IGF1R: variants seen among roughly 807,000 people sequenced by gnomAD.
IGF1R encodes the protein insulin-like growth factor 1 receptor.
IGF1R carries 44 observed loss-of-function variants against 144.6 expected under a neutral mutation model. The ratio of observed to expected loss-of-function variants is 0.30; its 90% CI spans 0.24 to 0.39. IGF1R has a LOEUF of 0.39. Among genes scored for constraint, IGF1R ranks in the 10% least tolerant of loss-of-function variants. IGF1R has a pLI of 1.00. For synonymous variants in IGF1R, 795 were observed against 722.8 expected (o/e 1.10, Z -1.60); for missense variants, 1,355 against 1,833.7 (o/e 0.74, Z 4.77).
chr15:98,843,214 C>T (rs1388358216), intron 2 of IGF1R, among the ~76,000 whole-genome samples: 1 of 152,206 alleles, frequency 6.6e-6, no homozygotes, highest in Non-Finnish European at 1.5e-5. Flanking sequence ...TGCATTCACT[C>T]TTTTTGGCAT....
At chr15:98,912,968 C>T in intron 7 of IGF1R, 76 bp from the exon 8 acceptor site, 1 of 913,928 alleles carries the variant, frequency 1.1e-6, no homozygotes, top group Non-Finnish European at 1.8e-6. Flanking sequence ...GTGTGACATG[C>T]TGGGCCTCTG....
At chr15:98,738,365 G>A (rs956389452) in intron 2 of IGF1R, among the ~76,000 whole-genome samples, 2 of 152,130 alleles carry the variant, frequency 1.3e-5, no homozygotes, top group African/African-American at 4.8e-5. Context: ...TTCTAAATGA[G>A]CGGGCTTTAA....
intron 2 of IGF1R, among the ~76,000 whole-genome samples, chr15:98,836,468 A>G (rs1017006626): frequency 6.6e-6 from 1 of 151,436 alleles, no homozygotes. Context: ...GCAGTGAACT[A>G]TGATCATGCC....
At chr15:98,877,188 G>A (rs1225603730) in intron 2 of IGF1R, among the ~76,000 whole-genome samples, 1 of 152,074 alleles carries the variant, frequency 6.6e-6, no homozygotes, top group Non-Finnish European at 1.5e-5. Context: ...GAGAGAGACT[G>A]ACTTACACAT....
At chr15:98,689,094 A>C (rs1034194690) in intron 1 of IGF1R, among the ~76,000 whole-genome samples, 1 of 152,166 alleles carries the variant, frequency 6.6e-6, no homozygotes, top group Admixed American at 6.5e-5. Context: ...CTTGATCTTA[A>C]AAGCAGCATG....
In IGF1R at chr15:98,923,843, A is replaced by G; in HGVS notation, c.2486-33A>G. Reference sequence around the variant, plus strand: ...GTTGGCCTCCCTCCCTGGGAACCCAAATCCAACTTTGTCACCTGTTTAAAT... The same window carrying G: ...GTTGGCCTCCCTCCCTGGGAACCCAGATCCAACTTTGTCACCTGTTTAAAT... On this transcript the variant is annotated intron_variant, in intron 11 of 20. Transcript: ENST00000650285. 3.1e-6 allele frequency: 5 copies of G among 1,610,060 alleles called. No individual in the cohort carries two copies. In the South Asian group the frequency reaches 4.4e-5, roughly 14 times the overall value.
Position 98,916,781 on chromosome 15 carries a change from C to T in IGF1R, c.2106C>T (p.Cys702=), listed in dbSNP as rs376989742. ...CGGEKGPCCA[C]PKTEAEKQAE... ...GGGAGAAAGGGCCTTGCTGCGCCTG[C>T]CCCAAAACTGAAGCCGAGAAGCAGG... Residue 702 remains cysteine (C), a synonymous_variant, in exon 10 of 21, where the codon TGC becomes TGT. Coordinates refer to ENST00000650285, the MANE Select transcript of IGF1R (RefSeq NM_000875.5). 2 of 1,613,990 alleles carry T rather than the reference C, an allele frequency of 1.2e-6. No homozygotes were observed. Among genetic ancestry groups the T allele is most frequent in the Non-Finnish European group, 1.7e-6 (2 of 1,179,972 alleles).
Position 98,935,206 on chromosome 15 carries a change from A to T in IGF1R, c.3187-110A>T. The T allele has an allele frequency of 1.0e-6, 1 of 972,980 alleles. No homozygotes were observed. Among genetic ancestry groups the T allele is most frequent in the East Asian group, 2.6e-5 (1 of 38,306 alleles). The allele number at this position is 972,980 out of a possible 1,614,324, so 60.3% of individuals were successfully genotyped here. Reference sequence around the variant, plus strand: ...CCCATTACCTCACTGCTACCTTCAGACCCCTGTGCTCAGACCAGGCCGCAG... The same window carrying T: ...CCCATTACCTCACTGCTACCTTCAGTCCCCTGTGCTCAGACCAGGCCGCAG... On this transcript the variant is annotated intron_variant, in intron 16 of 20. Transcript: ENST00000650285. This position sits in a 1 kb window ranked among gnomAD's most constrained non-coding sequence, Gnocchi z 4.2.
intron 2 of IGF1R, among the ~76,000 whole-genome samples, chr15:98,768,994 T>C (rs2055515474): frequency 6.6e-6 from 1 of 152,156 alleles, no homozygotes. Context: ...AGCTTCCATA[T>C]TAATAAATCT....
intron 2 of IGF1R, among the ~76,000 whole-genome samples, chr15:98,740,465 G>A (rs775889031): frequency 2.0e-5 from 3 of 152,206 alleles, no homozygotes; most frequent in Admixed American, 6.5e-5. Flanking sequence ...CACACCCATC[G>A]AAACCCAAGT....
At position 98,909,352 on chromosome 15, in the gene IGF1R, C is replaced by T. The variant is rs145732636; in HGVS notation, c.1462+453C>T. Among the ~76,000 whole-genome samples the T allele has an allele frequency of 2.2e-3, 322 of 145,048 alleles. 5 individuals carry two copies. The East Asian group carries it at 0.053, about 24-fold the overall frequency. ...TCTTGGCTCACTGTAACCTCCACCT[C>T]GGTTCAAGCGGTTCTCATGCCTCAG... On this transcript the variant is annotated intron_variant, in intron 6 of 20. Coordinates refer to ENST00000650285, the MANE Select transcript of IGF1R (RefSeq NM_000875.5).
At chr15:98,772,836 G>A (rs765429749) in intron 2 of IGF1R, among the ~76,000 whole-genome samples, 14 of 151,812 alleles carry the variant, frequency 9.2e-5, no homozygotes, top group Non-Finnish European at 1.6e-4. Flanking sequence ...ATGATATTAC[G>A]ATGTTTGTTA....
intron 2 of IGF1R, among the ~76,000 whole-genome samples, chr15:98,758,325 G>C (rs946380466): frequency 1.6e-4 from 24 of 151,886 alleles, no homozygotes; most frequent in Middle Eastern, 3.4e-3. Flanking sequence ...TGTTTCAGCT[G>C]GTGCCACCTG....
chr15:98,932,036 T>C (rs1208868240), intron 15 of IGF1R, among the ~76,000 whole-genome samples: 2 of 152,200 alleles, frequency 1.3e-5, no homozygotes, highest in African/African-American at 4.8e-5. Context: ...AATGCGGCAC[T>C]AGAGGTTGGT....
At chr15:98,936,879 G>C (rs1446961671) in intron 17 of IGF1R, among the ~76,000 whole-genome samples, 2 of 152,020 alleles carry the variant, frequency 1.3e-5, no homozygotes, top group Non-Finnish European at 2.9e-5. Context: ...GGCCCTCTCT[G>C]TGTCTCTGTC....
rs1365025919 is a variant in IGF1R, at chr15:98,762,393, T to G, written c.640+54286T>G. The stretch of plus-strand genomic sequence containing the variant: ...TTTGTGAACCTCGTGATTCTATTAC[T>G]TGTTCCACAAAAAATTTTAAATGAA... On this transcript the variant is annotated intron_variant, in intron 2 of 20. Transcript: ENST00000650285. Among the ~76,000 whole-genome samples the G allele has an allele frequency of 2.0e-5, 3 of 152,316 alleles. No individual in the cohort carries two copies. The East Asian group carries it at 5.8e-4, about 29-fold the overall frequency.
chr15:98,733,952 C>T (rs958736759), intron 2 of IGF1R, among the ~76,000 whole-genome samples: 2 of 152,108 alleles, frequency 1.3e-5, no homozygotes, highest in African/African-American at 4.8e-5. Context: ...TATTACATAC[C>T]CCGGAAGTCC....
At chr15:98,667,546 G>T (rs2052775523) in intron 1 of IGF1R, among the ~76,000 whole-genome samples, 2 of 152,334 alleles carry the variant, frequency 1.3e-5, no homozygotes, top group South Asian at 4.1e-4. Context: ...AGGTCCGCCT[G>T]TCTGCCTCTC....
chr15:98,750,742 C>T (rs1206816980), intron 2 of IGF1R, among the ~76,000 whole-genome samples: 1 of 152,142 alleles, frequency 6.6e-6, no homozygotes, highest in East Asian at 1.9e-4. Flanking sequence ...GAAAAGTAGC[C>T]ACCTATAACT....
Sources: gnomAD v4.1 joint callset for allele counts (sites outside exome capture counted in the v4.1 genomes callset) on GRCh38, gnomAD v4.1.1 for gene constraint, Gnocchi (gnomAD v3.1) non-coding constraint, MANE v1.5 for transcripts, NCBI Gene and HGNC (gene_info 2026-07-23, HGNC 2026-07-21) for gene names.